SLC44A1: variants seen among roughly 807,000 people sequenced by gnomAD.
The protein encoded by SLC44A1 is choline transporter-like protein 1.
In SLC44A1, 26 loss-of-function variants were observed where a neutral mutation model predicts 79.3. That is an observed-to-expected ratio of 0.33 (90% CI 0.24 to 0.46). The LOEUF is 0.46. Ranked by LOEUF, SLC44A1 falls within the 20% of genes least tolerant of loss-of-function variation. The pLI, the probability that SLC44A1 is intolerant of heterozygous loss-of-function variation, is 1.00. For synonymous variants in SLC44A1, 263 were observed against 286.2 expected (o/e 0.92, Z 0.82); for missense variants, 688 against 798.1 (o/e 0.86, Z 1.66).
intron 15 of SLC44A1, among the ~76,000 whole-genome samples, chr9:105,437,178 A>G (rs1183850542): frequency 6.6e-6 from 1 of 152,224 alleles, no homozygotes; most frequent in African/African-American, 2.4e-5. Context: ...AGAATGGTAC[A>G]TAGAACACCA....
chr9:105,400,641 C>A (rs1002968812), downstream of SLC44A1, among the ~76,000 whole-genome samples: 2 of 152,086 alleles, frequency 1.3e-5, no homozygotes, highest in Non-Finnish European at 2.9e-5. Context: ...AATGTAACCT[C>A]CCGAAAGTGC....
chr9:105,364,292 T>C (rs1261237464), intron 9 of SLC44A1, among the ~76,000 whole-genome samples: 2 of 152,210 alleles, frequency 1.3e-5, no homozygotes, highest in East Asian at 1.9e-4. Flanking sequence ...GCTTAAATAA[T>C]TGATAATATA....
chr9:105,267,734 G>T (rs1829993855), intron 1 of SLC44A1, among the ~76,000 whole-genome samples: 1 of 152,026 alleles, frequency 6.6e-6, no homozygotes, highest in Admixed American at 6.5e-5. Context: ...CATGGTAAAA[G>T]ATTCCTTAAC....
At chr9:105,270,081 T>C (rs1489189095) in intron 1 of SLC44A1, among the ~76,000 whole-genome samples, 2 of 152,178 alleles carry the variant, frequency 1.3e-5, no homozygotes, top group African/African-American at 4.8e-5. Context: ...GAAAAAAATA[T>C]CTTTTCCCAG....
intron 12 of SLC44A1, among the ~76,000 whole-genome samples, chr9:105,369,471 C>A (rs1440898112): frequency 6.6e-6 from 1 of 152,122 alleles, no homozygotes; most frequent in Non-Finnish European, 1.5e-5. Flanking sequence ...ACCTAATCAC[C>A]TCCTGAAGAC....
intron 5 of SLC44A1, among the ~76,000 whole-genome samples, chr9:105,352,705 G>A (rs188618525): frequency 2.0e-4 from 31 of 152,228 alleles, no homozygotes; most frequent in South Asian, 1.4e-3. Flanking sequence ...AAATGATCTC[G>A]TAATACTAGC....
intron 5 of SLC44A1, 62 bp from the exon 6 acceptor site, chr9:105,356,150 A>T: frequency 7.9e-7 from 1 of 1,261,936 alleles, no homozygotes; most frequent in Non-Finnish European, 1.2e-6. Flanking sequence ...TGTGTGTTTG[A>T]TGTGGCATTT....
rs1828846092 is a variant in SLC44A1, at chr9:105,394,977, G to T, written c.*5921G>T. On this transcript the variant is annotated 3_prime_UTR_variant, in exon 16 of 16. Transcript: ENST00000374720. Reference sequence around the variant, plus strand: ...CATCTGCACCTTACTATTAGGTAAGGGTGCTGCATCTACATGGAAGGCTCC... The same window carrying T: ...CATCTGCACCTTACTATTAGGTAAGTGTGCTGCATCTACATGGAAGGCTCC... 1 of 985,418 alleles carries T rather than the reference G, an allele frequency of 1.0e-6. No homozygotes were observed. Among genetic ancestry groups the T allele is most frequent in the Non-Finnish European group, 1.2e-6 (1 of 829,948 alleles). 61.0% of individuals were successfully genotyped at this position (985,418 alleles called of 1,614,324 possible).
At chr9:105,435,197 T>G (rs574818993) in intron 15 of SLC44A1, among the ~76,000 whole-genome samples, 2 of 151,392 alleles carry the variant, frequency 1.3e-5, no homozygotes, top group Non-Finnish European at 2.9e-5. Context: ...GAATATAATA[T>G]AGTCTCCTGG....
Position 105,396,479 on chromosome 9 carries a change from G to A in SLC44A1, c.*7423G>A. On this transcript the variant is annotated 3_prime_UTR_variant, in exon 16 of 16. Coordinates refer to ENST00000374720, the MANE Select transcript of SLC44A1 (RefSeq NM_080546.5). Reference sequence around the variant, plus strand: ...GGCACAGCCTTTCTGAACTCCTTGAGTTTAGAATAGAGCTCCTAGAATAAT... The same window carrying A: ...GGCACAGCCTTTCTGAACTCCTTGAATTTAGAATAGAGCTCCTAGAATAAT... The A allele has an allele frequency of 2.0e-6, 2 of 985,416 alleles. No individual in the cohort carries two copies. Among genetic ancestry groups the A allele is most frequent in the South Asian group, 4.7e-5 (1 of 21,284 alleles). 61.0% of individuals were successfully genotyped at this position (985,416 alleles called of 1,614,324 possible).
intron 1 of SLC44A1, chr9:105,294,834 T>G (rs1212659292): frequency 6.6e-6 from 1 of 151,648 alleles, no homozygotes; most frequent in Non-Finnish European, 1.5e-5. Context: ...CTATAGTTCT[T>G]GGATGCTTTA....
intron 15 of SLC44A1, among the ~76,000 whole-genome samples, chr9:105,436,502 G>A (rs1178055347): frequency 6.6e-6 from 1 of 152,170 alleles, no homozygotes; most frequent in Non-Finnish European, 1.5e-5. Context: ...GATTGCTTGA[G>A]CCCAGGAGTT....
intron 3 of SLC44A1, among the ~76,000 whole-genome samples, chr9:105,316,701 G>C (rs1388461653): frequency 2.0e-5 from 3 of 152,190 alleles, no homozygotes; most frequent in Admixed American, 6.5e-5. Flanking sequence ...TCATGTAAAA[G>C]TGTTGTCTAT....
chr9:105,297,270 T>G (rs573559381), intron 1 of SLC44A1, among the ~76,000 whole-genome samples: 1 of 152,312 alleles, frequency 6.6e-6, no homozygotes, highest in African/African-American at 2.4e-5. Context: ...TTGTTTTAAC[T>G]CCAATTCTCC....
intron 15 of SLC44A1, among the ~76,000 whole-genome samples, chr9:105,437,383 A>G (rs1475480103): frequency 1.3e-5 from 2 of 152,054 alleles, no homozygotes; most frequent in Non-Finnish European, 2.9e-5. Context: ...AGATATAACT[A>G]GCTATTGAGA....
At chr9:105,299,927 G>C in intron 2 of SLC44A1, 2 of 985,560 alleles carry the variant, frequency 2.0e-6, no homozygotes, top group East Asian at 2.3e-4. Context: ...GAGCAGAGTT[G>C]CTGGTATAAG....
intron 3 of SLC44A1, among the ~76,000 whole-genome samples, chr9:105,323,634 G>C (rs1173377048): frequency 6.6e-6 from 1 of 152,066 alleles, no homozygotes; most frequent in Non-Finnish European, 1.5e-5. Flanking sequence ...ACTTAATCAA[G>C]GCTTCGTCCC....
chr9:105,326,923 A>T (rs1826596219), intron 3 of SLC44A1, among the ~76,000 whole-genome samples: 1 of 152,238 alleles, frequency 6.6e-6, no homozygotes, highest in African/African-American at 2.4e-5. Flanking sequence ...TGCAGTTGGA[A>T]CGTCATCCTT....
chr9:105,342,723 C>T (rs1283613931), intron 4 of SLC44A1, among the ~76,000 whole-genome samples: 5 of 152,224 alleles, frequency 3.3e-5, no homozygotes, highest in Admixed American at 1.3e-4. Flanking sequence ...AGACGTAAGC[C>T]CTGAGTTTTG....
Sources: allele counts gnomAD v4.1 joint callset (sites outside exome capture counted in the v4.1 genomes callset), GRCh38; gene constraint gnomAD v4.1.1; transcripts MANE v1.5; gene names NCBI Gene and HGNC (gene_info 2026-07-23, HGNC 2026-07-21).